The following DVL1 variants were observed in gnomAD, a reference collection of about 807,000 sequenced individuals.
The protein encoded by DVL1 is dishevelled segment polarity protein 1, also known as segment polarity protein dishevelled homolog DVL-1.
In DVL1, 49 loss-of-function variants were observed where a neutral mutation model predicts 65.0. The ratio of observed to expected loss-of-function variants is 0.75; its 90% CI spans 0.60 to 0.96. The LOEUF is 0.96. Among genes scored for constraint, DVL1 ranks in the 40% least tolerant of loss-of-function variants. The probability of loss-of-function intolerance (pLI) is 0.00; values close to 1 mark genes in which losing one functional copy is unlikely to be tolerated. For synonymous variants in DVL1, 608 were observed against 433.9 expected (o/e 1.40, Z -4.99); for missense variants, 1,197 against 1,045.4 (o/e 1.15, Z -2.00).
In DVL1 at chr1:1,336,381, G is replaced by T; in HGVS notation, c.1849C>A (p.Arg617=). ...TAPSGVGSSW[R]ERPAGQLSRG... ...CTGAGCTGGCCGGCCGGACGCTCTC[G>T]CCAGCTGCTCCCCACCCCACTCGGT... Residue 617 remains arginine (R), a synonymous_variant, in exon 15 of 15, where the codon CGA becomes AGA. Transcript: ENST00000378888. 1.3e-6 allele frequency: 2 copies of T among 1,598,474 alleles called. No individual in the cohort carries two copies. The highest frequency in any genetic ancestry group is 8.5e-7 in the Non-Finnish European group (1 of 1,178,438).
chr1:1,337,583 C>T (rs942759967), intron 14 of DVL1: 4 of 392,066 alleles, frequency 1.0e-5, no homozygotes, highest in Admixed American at 7.3e-5. Context: ...GGGCCTCCTG[C>T]CTCTACCATA....
chr1:1,338,733 T>G, intron 11 of DVL1, 80 bp from the exon 12 acceptor site: 1 of 1,533,098 alleles, frequency 6.5e-7, no homozygotes, highest in Non-Finnish European at 8.7e-7. Flanking sequence ...CAGGGGAGCC[T>G]CTGGGCAGAG....
chr1:1,340,829 ACCTGCACACACGCAAC>A (rs1269495485), intron 5 of DVL1, among the ~76,000 whole-genome samples: 1 of 135,258 alleles, frequency 7.4e-6, no homozygotes, highest in Non-Finnish European at 1.5e-5. Context: ...CTGCACACAC[ACCTGCACACACGCAAC>A]CCTGCACACA....
chr1:1,348,184 GGCCCA>G (rs1557675639), intron 1 of DVL1, among the ~76,000 whole-genome samples: 1 of 152,174 alleles, frequency 6.6e-6, no homozygotes, highest in African/African-American at 2.4e-5. Flanking sequence ...TGTCCCAGAG[GGCCCA>G]GCTCAGCACA....
In DVL1 at chr1:1,338,123, G is replaced by A; in HGVS notation, c.1568C>T (p.Ala523Val). 1 of 1,609,588 alleles carries A rather than the reference G, an allele frequency of 6.2e-7. No homozygotes were observed. Among genetic ancestry groups the A allele is most frequent in the Non-Finnish European group, 8.5e-7 (1 of 1,178,692 alleles). The change falls in exon 14 of 15, where the codon GCC (alanine) becomes GTC (valine). Residue 523 changes from alanine to valine, a missense_variant. Physicochemically the swap from Ala to Val is moderately conservative, Grantham distance 64. Transcript: ENST00000378888. ...SSGTSDQDTL[A>V]PLPHPAAPWP... ...GGGGGCAGCCGGGTGGGGCAGCGGG[G>A]CCAGCGTGTCCTGATCCGAAGTCCC...
At position 1,340,102 on chromosome 1, in the gene DVL1, G is replaced by C; in HGVS notation, c.845C>G (p.Ser282Cys). ...DRGDGGIYIG[S>C]IMKGGAVAAD... The stretch of plus-strand genomic sequence containing the variant: ...GGCCACAGCCCCGCCCTTCATGATG[G>C]AGCCAATGTAGATGCCGCCGTCTCC... Residue 282 changes from serine (S) to cysteine (C), a missense_variant, in exon 8 of 15, where the codon TCC (serine) becomes TGC (cysteine). Physicochemically the swap from Ser to Cys is moderately radical, Grantham distance 112 (BLOSUM62 -1). Transcript: ENST00000378888. 1 of 1,613,248 alleles carries C rather than the reference G, an allele frequency of 6.2e-7. No homozygotes were observed. Among genetic ancestry groups the C allele is most frequent in the East Asian group, 2.2e-5 (1 of 44,860 alleles).
chr1:1,340,417 G>A lies in DVL1; in HGVS notation c.692C>T (p.Ala231Val), dbSNP rs200649758. The part of the protein sequence containing the change: ...RRRRKQRLRQ[A>V]DRASSFSSIT... ...CTCCACCCGGCTGCCTACCCGGTCC[G>A]CCTGCCGAAGGCGCTGCTTCCTCCG... The change falls in exon 6 of 15, where the codon GCG becomes GTG. Residue 231 changes from alanine (A) to valine (V), a missense_variant. Transcript: ENST00000378888. 18 of 1,606,874 alleles carry A rather than the reference G, an allele frequency of 1.1e-5. No homozygotes were observed. The highest frequency in any genetic ancestry group is 1.6e-4 in the Middle Eastern group (1 of 6,070).
chr1:1,336,044 C>G lies in DVL1; in HGVS notation c.*98G>C. On this transcript the variant is annotated 3_prime_UTR_variant, in exon 15 of 15. Coordinates refer to ENST00000378888, the MANE Select transcript of DVL1 (RefSeq NM_001330311.2). ...GTCCAGCCTGCCCCCCACCCTGCCT[C>G]CCGTCCTGGCCCCCACGAAGGCAAG... is the stretch of plus-strand genomic sequence containing the variant. 4 of 1,469,694 alleles carry G rather than the reference C, an allele frequency of 2.7e-6. No individual in the cohort carries two copies. The highest frequency in any genetic ancestry group is 3.6e-6 in the Non-Finnish European group (4 of 1,101,240). 91.0% of individuals were successfully genotyped at this position (1,469,694 alleles called of 1,614,324 possible). A position where few individuals can be genotyped will look rare whatever the true frequency, so the allele number is the denominator to read the frequency against.
rs1230654385 is a variant in DVL1, at chr1:1,342,370, A to C, written c.355T>G (p.Ser119Ala). 6.3e-7 allele frequency: 1 copy of C among 1,578,126 alleles called. No individual in the cohort carries two copies. Among genetic ancestry groups the C allele is most frequent in the African/African-American group, 1.3e-5 (1 of 74,246 alleles). The change falls in exon 3 of 15, where the codon TCC becomes GCC. Residue 119 changes from serine (S) to alanine (A), a missense_variant. Coordinates refer to ENST00000378888, the MANE Select transcript of DVL1 (RefSeq NM_001330311.2). ...TGGIGDSRPPSFHPNVASSRD... is the reference protein window; with the variant it reads ...TGGIGDSRPPAFHPNVASSRD... Reference sequence around the variant, plus strand: ...CGCCCACGGTGTCCTTACTGGAAGGAGGGGGGCCGGGAGTCCCCGATGCCG... The same window carrying C: ...CGCCCACGGTGTCCTTACTGGAAGGCGGGGGGCCGGGAGTCCCCGATGCCG...
chr1:1,345,903 C>T (rs1226049847), intron 1 of DVL1, among the ~76,000 whole-genome samples: 2 of 152,088 alleles, frequency 1.3e-5, no homozygotes, highest in Admixed American at 6.5e-5. Flanking sequence ...CAACCCCTGA[C>T]CCCAGAGCCA....
Position 1,336,376 on chromosome 1 carries a change from C to T in DVL1, c.1854G>A (p.Glu618=), listed in dbSNP as rs556292877. The change falls in exon 15 of 15, where the codon GAG becomes GAA. Residue 618 remains glutamate (E), a synonymous_variant. Transcript: ENST00000378888. ...APSGVGSSWR[E]RPAGQLSRGS... is the part of the protein sequence containing the mutation. Reference sequence around the variant, plus strand: ...CACGGCTGAGCTGGCCGGCCGGACGCTCTCGCCAGCTGCTCCCCACCCCAC... The same window carrying T: ...CACGGCTGAGCTGGCCGGCCGGACGTTCTCGCCAGCTGCTCCCCACCCCAC... The T allele has an allele frequency of 1.4e-4, 222 of 1,598,282 alleles. 3 individuals carry two copies. The South Asian group carries it at 2.3e-3, about 16-fold the overall frequency.
chr1:1,336,920 A>C (rs939382106), intron 14 of DVL1: 30 of 866,694 alleles, frequency 3.5e-5, no homozygotes, highest in Non-Finnish European at 3.9e-5. Context: ...CGGATGACTC[A>C]GCTCAGCCCT....
rs143393304 is a variant in DVL1 at position 1,342,438 on chromosome 1, G to A, written c.287C>T (p.Thr96Met). 32 of 1,603,072 alleles carry A rather than the reference G, an allele frequency of 2.0e-5. No homozygotes were observed. Among genetic ancestry groups the A allele is most frequent in the South Asian group, 3.3e-5 (3 of 89,862 alleles). ...CGGGGGCAGGTCTGTGTGGCTGTCCGTGCCCTGGGACCCCGCATCCGAGTG... is the reference window on the plus strand; with the variant it reads ...CGGGGGCAGGTCTGTGTGGCTGTCCATGCCCTGGGACCCCGCATCCGAGTG... The part of the protein sequence containing the change: ...GAHSDAGSQG[T>M]DSHTDLPPPL... Residue 96 changes from threonine to methionine, a missense_variant, in exon 3 of 15, where the codon ACG becomes ATG. By Grantham distance (81) the Thr-to-Met change is moderately conservative. Transcript: ENST00000378888.
Position 1,342,500 on chromosome 1 carries a change from G to T in DVL1, c.241-16C>A, listed in dbSNP as rs577014862. ...CCAGGACCAGCTGTGGAGGGAGCAG[G>T]CATGCTCAGGGGAGCCCACCCGCCT... On this transcript the variant is annotated splice_polypyrimidine_tract_variant and intron_variant, in intron 2 of 14. Coordinates refer to ENST00000378888, the MANE Select transcript of DVL1 (RefSeq NM_001330311.2). 1.9e-6 allele frequency: 3 copies of T among 1,608,636 alleles called. No homozygotes were observed. Among genetic ancestry groups the T allele is most frequent in the Non-Finnish European group, 1.7e-6 (2 of 1,178,630 alleles).
Position 1,343,255 on chromosome 1 carries a change from G to C in DVL1, c.171-497C>G, listed in dbSNP as rs536092957. ...CCACCTCATCTGTTCCTGGGGCTTG[G>C]AGCCCCCCCCCCCCAGGGCTTCCCC... On this transcript the variant is annotated intron_variant, in intron 1 of 14. Transcript: ENST00000378888. Among the ~76,000 whole-genome samples, 7 of 19,050 alleles carry C rather than the reference G, an allele frequency of 3.7e-4. 1 individual carries two copies. Among genetic ancestry groups the C allele is most frequent in the African/African-American group, 2.6e-3 (7 of 2,670 alleles). The allele number at this position is 19,050 out of a possible 152,430, so 12.5% of individuals were successfully genotyped here. A position where few individuals can be genotyped will look rare whatever the true frequency, so the allele number is the denominator to read the frequency against.
At chr1:1,340,557 G>C in intron 5 of DVL1, 54 bp from the exon 6 acceptor site, 1 of 1,537,276 alleles carries the variant, frequency 6.5e-7, no homozygotes, top group South Asian at 1.2e-5. Flanking sequence ...TAGGGGGGTG[G>C]GAACCCGCTC....
At position 1,340,134 on chromosome 1, in the gene DVL1, G is replaced by A. The variant is rs755441577; in HGVS notation, c.813C>T (p.Asn271=). 4.3e-6 allele frequency: 7 copies of A among 1,613,444 alleles called. No individual in the cohort carries two copies. The highest frequency in any genetic ancestry group is 2.2e-5 in the South Asian group (2 of 91,090). The change falls in exon 8 of 15, where the codon AAC becomes AAT. Residue 271 remains asparagine, a synonymous_variant. Coordinates refer to ENST00000378888, the MANE Select transcript of DVL1 (RefSeq NM_001330311.2). Reference sequence around the variant, plus strand: ...TGTAGATGCCGCCGTCTCCACGGTCGTTGCTCTGCCCCACGATGCTGATGC... The same window carrying A: ...TGTAGATGCCGCCGTCTCCACGGTCATTGCTCTGCCCCACGATGCTGATGC... ...FLGISIVGQS[N]DRGDGGIYIG...
chr1:1,338,213 G>C, intron 13 of DVL1, 30 bp from the exon 14 acceptor site: 1 of 1,596,090 alleles, frequency 6.3e-7, no homozygotes, highest in Non-Finnish European at 8.5e-7. Flanking sequence ...GAGGGCCGCG[G>C]AGGGGCCTCC....
intron 13 of DVL1, 36 bp downstream of exon 13, chr1:1,338,233 C>CCCCCCCCCCCCG: frequency 6.6e-7 from 1 of 1,518,918 alleles, no homozygotes; most frequent in Non-Finnish European, 9.1e-7. Flanking sequence ...CGGCGTTCCC[C>CCCCCCCCCCCCG]TCCCCCCCGC....
Sources: gnomAD v4.1 joint callset for allele counts (sites outside exome capture counted in the v4.1 genomes callset) on GRCh38, gnomAD v4.1.1 for gene constraint, MANE v1.5 for transcripts, NCBI Gene and HGNC (gene_info 2026-07-23, HGNC 2026-07-21) for gene names.